Variants in ATP6V1C2 observed in about 807,000 individuals in gnomAD.
ATP6V1C2 encodes the protein ATPase H+ transporting V1 subunit C2, also known as V-type proton ATPase subunit C 2.
Under a neutral mutation model 56.8 loss-of-function variants are expected in ATP6V1C2, and 45 were observed. That is an observed-to-expected ratio of 0.79 (90% CI 0.62 to 1.02). The LOEUF is 1.02. ATP6V1C2 is among the 50% of genes least tolerant of loss of function. The pLI is 0.00. For synonymous variants in ATP6V1C2, 220 were observed against 201.3 expected, an observed-to-expected ratio of 1.09 and a Z score of -0.79; for missense variants, 463 against 519.7, an observed-to-expected ratio of 0.89 and a Z score of 1.06.
chr2:10,736,176 T>G (rs1288799047), intron 3 of ATP6V1C2, among the ~76,000 whole-genome samples: 2 of 152,048 alleles, frequency 1.3e-5, no homozygotes. Flanking sequence ...AGTTCCCAGG[T>G]GATACTGATG....
At chr2:10,750,440 T>C (rs1364528779) in intron 3 of ATP6V1C2, among the ~76,000 whole-genome samples, 1 of 151,484 alleles carries the variant, frequency 6.6e-6, no homozygotes, top group Non-Finnish European at 1.5e-5. Context: ...CACTTGAACC[T>C]GGAAGGTGGA....
intron 3 of ATP6V1C2, chr2:10,744,260 G>A (rs903422452): frequency 2.6e-5 from 4 of 152,190 alleles, no homozygotes; most frequent in Non-Finnish European, 4.4e-5. Context: ...GCCTGCAAAT[G>A]TTTGATAGAT....
intron 3 of ATP6V1C2, among the ~76,000 whole-genome samples, chr2:10,736,574 A>G (rs6737614): frequency 0.57 from 86,861 of 151,870 alleles, 28,874 homozygotes; most frequent in Non-Finnish European, 0.77. Context: ...CAATTTTATA[A>G]TTTTTCTGAT....
chr2:10,770,030 T>G (rs1664490296), intron 6 of ATP6V1C2: 1 of 152,144 alleles, frequency 6.6e-6, no homozygotes, highest in Non-Finnish European at 1.5e-5. Flanking sequence ...AATCCACTTC[T>G]GAGGGTCACT....
Position 10,783,696 on chromosome 2 carries a change from T to C in ATP6V1C2, c.*433T>C, listed in dbSNP as rs1665541155. 5 of 163,182 alleles carry C rather than the reference T, an allele frequency of 3.1e-5. No individual in the cohort carries two copies. In the South Asian group the frequency reaches 6.9e-4, roughly 23 times the overall value. 10.1% of individuals were successfully genotyped at this position (163,182 alleles called of 1,614,324 possible). A position where few individuals can be genotyped will look rare whatever the true frequency, so the allele number is the denominator to read the frequency against. The stretch of plus-strand genomic sequence containing the variant: ...GAGCCCGGTTTCCATGTAAAATCTC[T>C]GTTGTGGTGGGCATAGGTGGCACCA... On this transcript the variant is annotated 3_prime_UTR_variant, in exon 14 of 14. Transcript: ENST00000272238.
At chr2:10,762,731 C>G (rs1198870) in intron 4 of ATP6V1C2, among the ~76,000 whole-genome samples, 7 of 151,566 alleles carry the variant, frequency 4.6e-5, no homozygotes, top group Non-Finnish European at 8.8e-5. Flanking sequence ...CATGGCTGCC[C>G]GGCTTAGAGC....
chr2:10,753,553 A>G (rs1663341879), intron 3 of ATP6V1C2, among the ~76,000 whole-genome samples: 1 of 144,332 alleles, frequency 6.9e-6, no homozygotes. Context: ...TTTTTTTGAG[A>G]CGGGGTCTTA....
intron 6 of ATP6V1C2, among the ~76,000 whole-genome samples, chr2:10,769,485 C>T (rs937420907): frequency 3.3e-5 from 5 of 152,244 alleles, no homozygotes; most frequent in African/African-American, 1.2e-4. Context: ...GGGCGGATTA[C>T]GTGAGGCCAA....
At chr2:10,755,639 A>G (rs1216446243) in intron 4 of ATP6V1C2, among the ~76,000 whole-genome samples, 2 of 152,154 alleles carry the variant, frequency 1.3e-5, no homozygotes, top group Non-Finnish European at 2.9e-5. Context: ...CCCGGCTCCT[A>G]CTGTTTGCCC....
intron 4 of ATP6V1C2, among the ~76,000 whole-genome samples, chr2:10,762,744 T>A (rs1003299728): frequency 4.9e-4 from 75 of 151,934 alleles, no homozygotes; most frequent in African/African-American, 1.8e-3. Context: ...CTTAGAGCAC[T>A]TCCCTCCCTC....
intron 3 of ATP6V1C2, among the ~76,000 whole-genome samples, chr2:10,735,190 G>A (rs750965099): frequency 6.6e-6 from 1 of 151,530 alleles, no homozygotes; most frequent in Non-Finnish European, 1.5e-5. Context: ...TTTTTTTTGA[G>A]ATGGAGTCTT....
intron 4 of ATP6V1C2, among the ~76,000 whole-genome samples, chr2:10,756,904 C>T (rs58240515): frequency 0.038 from 5,774 of 151,198 alleles, 344 homozygotes; most frequent in African/African-American, 0.13. Context: ...CATGAAGCAA[C>T]GCATGACTGT....
At chr2:10,721,444 C>T (rs917954501), upstream of ATP6V1C2, among the ~76,000 whole-genome samples, 1 of 152,124 alleles carries the variant, frequency 6.6e-6, no homozygotes, top group African/African-American at 2.4e-5. Context: ...GGCCCTCGCG[C>T]GTAGGGGACT....
intron 3 of ATP6V1C2, among the ~76,000 whole-genome samples, chr2:10,745,152 T>C (rs1423643065): frequency 7.0e-6 from 1 of 143,078 alleles, no homozygotes; most frequent in Non-Finnish European, 1.5e-5. Context: ...CAAGCAATTC[T>C]CCTGCCTCAG....
chr2:10,784,590 C>CTGT lies in ATP6V1C2; in HGVS notation c.*1327_*1328insTGT. On this transcript the variant is annotated 3_prime_UTR_variant, in exon 14 of 14. Transcript: ENST00000272238. The stretch of plus-strand genomic sequence containing the variant: ...ACGTGTCCTTTTGAGGAGGGTGGGA[C>CTGT]ACAACAGTACAGAAATAAGTGCTAA... 1.9e-6 allele frequency: 1 copy of CTGT among 522,328 alleles called. No individual in the cohort carries two copies. The highest frequency in any genetic ancestry group is 3.4e-6 in the Non-Finnish European group (1 of 298,132). 32.4% of individuals were successfully genotyped at this position (522,328 alleles called of 1,614,324 possible). A position where few individuals can be genotyped will look rare whatever the true frequency, so the allele number is the denominator to read the frequency against.
intron 12 of ATP6V1C2, among the ~76,000 whole-genome samples, chr2:10,779,102 T>C (rs2707816): frequency 0.66 from 99,223 of 150,880 alleles, 33,368 homozygotes; most frequent in African/African-American, 0.8. Context: ...AAGCTTATTT[T>C]GCCTTTTTTT....
At chr2:10,764,489 AG>A in intron 5 of ATP6V1C2, 64 bp downstream of exon 5, 1 of 1,416,442 alleles carries the variant, frequency 7.1e-7, no homozygotes, top group South Asian at 1.2e-5. Flanking sequence ...GAGCCTGGGT[AG>A]GGCCCCCCTG....
chr2:10,763,444 A>G lies in ATP6V1C2; in HGVS notation c.284-887A>G, dbSNP rs541053982. 6.6e-6 allele frequency among the ~76,000 whole-genome samples: 1 copy of G among 152,104 alleles called. No individual in the cohort carries two copies. The highest frequency in any genetic ancestry group is 1.5e-5 in the Non-Finnish European group (1 of 68,000). ...AGGGGTCTCCCTGTGGACCTTGGGC[A>G]GGGGGTGGTGTCTAGTGTGTGTCCC... On this transcript the variant is annotated intron_variant, in intron 4 of 13. Transcript: ENST00000272238. The surrounding 1 kb of genome is among the most constrained non-coding windows in gnomAD (Gnocchi z 4.2).
At chr2:10,726,446 G>C in intron 2 of ATP6V1C2, 56 bp from the exon 3 acceptor site, 1 of 1,347,496 alleles carries the variant, frequency 7.4e-7, no homozygotes, top group Non-Finnish European at 1.1e-6. Context: ...TTGTTGAGAT[G>C]GCATCATGCT....
Sources: allele counts gnomAD v4.1 joint callset (sites outside exome capture counted in the v4.1 genomes callset), GRCh38; gene constraint gnomAD v4.1.1; non-coding constraint Gnocchi (gnomAD v3.1); transcripts MANE v1.5; gene names NCBI Gene and HGNC (gene_info 2026-07-23, HGNC 2026-07-21).